Variants in FER observed in about 807,000 individuals in gnomAD.
FER encodes the protein FER tyrosine kinase.
In FER, 63 loss-of-function variants were observed where a neutral mutation model predicts 111.0. The observed-to-expected ratio is 0.57, with a 90% CI of 0.46 to 0.70. The LOEUF (loss-of-function observed/expected upper bound fraction) is 0.70. Among genes scored for constraint, FER ranks in the 30% least tolerant of loss-of-function variants. The pLI is 0.00. For synonymous variants in FER, 327 were observed against 313.9 expected, an observed-to-expected ratio of 1.04 and a Z score of -0.44; for missense variants, 914 against 954.0, an observed-to-expected ratio of 0.96 and a Z score of 0.55.
Position 109,111,174 on chromosome 5 carries a change from A to T in FER, c.2048+10655A>T, listed in dbSNP as rs144409158. Among the ~76,000 whole-genome samples the T allele has an allele frequency of 7.6e-4, 115 of 152,276 alleles. 1 individual carries two copies. In the East Asian group the frequency reaches 0.021, roughly 27 times the overall value. ...ATAAGTAAAATTAAATATGTGTATA[A>T]TTTATAGAGGGTTATATTTTCCATC... On this transcript the variant is annotated intron_variant, in intron 17 of 19. Coordinates refer to ENST00000281092, the MANE Select transcript of FER (RefSeq NM_005246.4).
chr5:108,847,792 C>T (rs1261692230), intron 5 of FER, among the ~76,000 whole-genome samples: 1 of 152,060 alleles, frequency 6.6e-6, no homozygotes, highest in Non-Finnish European at 1.5e-5. Context: ...ATTGTTTGCT[C>T]TGTTATTCAT....
intron 10 of FER, among the ~76,000 whole-genome samples, chr5:108,911,598 G>T (rs1751555216): frequency 6.6e-6 from 1 of 152,038 alleles, no homozygotes; most frequent in Non-Finnish European, 1.5e-5. Context: ...ATAGTTTCAG[G>T]TTTACGTTTG....
intron 13 of FER, among the ~76,000 whole-genome samples, chr5:108,980,446 CTT>C (rs1415512923): frequency 2.0e-5 from 3 of 152,136 alleles, no homozygotes; most frequent in Non-Finnish European, 4.4e-5. Flanking sequence ...GAGAGCGTCT[CTT>C]GTTTTGATAA....
intron 13 of FER, among the ~76,000 whole-genome samples, chr5:109,013,714 C>G (rs1172536138): frequency 1.3e-5 from 2 of 151,926 alleles, no homozygotes; most frequent in Non-Finnish European, 2.9e-5. Context: ...AAAAAGTGTT[C>G]CTATTTCTCC....
At position 109,192,747 on chromosome 5, in the gene FER, C is replaced by T. The variant is rs1759465231; in HGVS notation, c.*5172C>T. ...TATTTCACCTTTGGACTAACGTTGA[C>T]TAAATGGCTCCTAGAGTTACCCACA... On this transcript the variant is annotated 3_prime_UTR_variant, in exon 20 of 20. Transcript: ENST00000281092. The T allele has an allele frequency of 6.6e-6, 1 of 152,122 alleles. No homozygotes were observed. The highest frequency in any genetic ancestry group is 1.5e-5 in the Non-Finnish European group (1 of 68,018). The allele number at this position is 152,122 out of a possible 1,614,324, so 9.4% of individuals were successfully genotyped here. A position where few individuals can be genotyped will look rare whatever the true frequency, so the allele number is the denominator to read the frequency against.
chr5:108,794,327 C>G (rs1258221915), intron 2 of FER, among the ~76,000 whole-genome samples: 2 of 151,574 alleles, frequency 1.3e-5, no homozygotes, highest in Admixed American at 1.3e-4. Flanking sequence ...AAGTGATTCT[C>G]CTGCTGCGGC....
intron 1 of FER, among the ~76,000 whole-genome samples, chr5:108,761,158 G>T (rs890769907): frequency 6.6e-6 from 1 of 152,038 alleles, no homozygotes; most frequent in Non-Finnish European, 1.5e-5. Flanking sequence ...TCGAACCCCT[G>T]GCCTCGTGGT....
chr5:109,014,575 G>T (rs1339166559), intron 13 of FER, among the ~76,000 whole-genome samples: 2 of 151,980 alleles, frequency 1.3e-5, no homozygotes. Flanking sequence ...GCTCTTTTTT[G>T]GTTCCATATG....
At chr5:109,094,310 A>T (rs1747207743) in intron 16 of FER, among the ~76,000 whole-genome samples, 1 of 152,140 alleles carries the variant, frequency 6.6e-6, no homozygotes, top group Non-Finnish European at 1.5e-5. Context: ...AGCTCCAGCT[A>T]TATGGAATAA....
chr5:109,076,959 A>G (rs1455350204), intron 16 of FER, among the ~76,000 whole-genome samples: 1 of 152,208 alleles, frequency 6.6e-6, no homozygotes, highest in Non-Finnish European at 1.5e-5. Context: ...CTATGGCCAG[A>G]GCCAATACAC....
intron 17 of FER, among the ~76,000 whole-genome samples, chr5:109,156,989 A>G (rs1755467203): frequency 6.6e-6 from 1 of 152,134 alleles, no homozygotes; most frequent in Non-Finnish European, 1.5e-5. Context: ...AAGAGGAGGT[A>G]GACCACACTT....
At chr5:109,113,894 A>T (rs1749925870) in intron 17 of FER, among the ~76,000 whole-genome samples, 1 of 152,186 alleles carries the variant, frequency 6.6e-6, no homozygotes, top group African/African-American at 2.4e-5. Flanking sequence ...CTAATGTTAA[A>T]TCATTTAATA....
At chr5:108,905,159 CT>C (rs1750577636) in intron 10 of FER, among the ~76,000 whole-genome samples, 1 of 152,040 alleles carries the variant, frequency 6.6e-6, no homozygotes, top group Non-Finnish European at 1.5e-5. Flanking sequence ...CAGAAACACT[CT>C]TTTTCATTAG....
chr5:109,142,571 C>T (rs1190022782), intron 17 of FER, among the ~76,000 whole-genome samples: 2 of 152,052 alleles, frequency 1.3e-5, no homozygotes, highest in African/African-American at 4.8e-5. Flanking sequence ...ATTAAGCAAC[C>T]ACTGTACGAC....
rs536755587 is a variant in FER at position 108,901,803 on chromosome 5, T to C, written c.1236+3955T>C. On this transcript the variant is annotated intron_variant, in intron 10 of 19. Transcript: ENST00000281092. ...CTTGTCTCTACAAATATATAAAAATTAGTCGGGTGTGGTGGCACATGCCTG... is the reference window on the plus strand; with the variant it reads ...CTTGTCTCTACAAATATATAAAAATCAGTCGGGTGTGGTGGCACATGCCTG... 3.9e-5 allele frequency among the ~76,000 whole-genome samples: 6 copies of C among 152,114 alleles called. No individual in the cohort carries two copies. The East Asian group carries it at 1.2e-3, about 29-fold the overall frequency.
intron 18 of FER, among the ~76,000 whole-genome samples, chr5:109,185,773 A>G (rs1189286096): frequency 6.6e-6 from 1 of 152,232 alleles, no homozygotes; most frequent in Non-Finnish European, 1.5e-5. Flanking sequence ...CTCATTTGGT[A>G]AGTTTAAATA....
At chr5:109,036,553 A>G (rs1238602410) in intron 13 of FER, among the ~76,000 whole-genome samples, 2 of 151,984 alleles carry the variant, frequency 1.3e-5, no homozygotes, top group Non-Finnish European at 2.9e-5. Context: ...CTCTAACATT[A>G]ATAAGAAACC....
At chr5:108,798,075 C>A in intron 2 of FER, 49 bp from the exon 3 acceptor site, 48 of 578,970 alleles carry the variant, frequency 8.3e-5, no homozygotes, top group East Asian at 1.8e-4. Flanking sequence ...TTTTTGAAGA[C>A]TAATTTCCTT....
At chr5:109,010,690 A>T (rs1273764026) in intron 13 of FER, among the ~76,000 whole-genome samples, 1 of 152,138 alleles carries the variant, frequency 6.6e-6, no homozygotes, top group Non-Finnish European at 1.5e-5. Context: ...TAGTTATGCA[A>T]ACTAGATTAT....
Sources: allele counts gnomAD v4.1 joint callset (sites outside exome capture counted in the v4.1 genomes callset), GRCh38; gene constraint gnomAD v4.1.1; transcripts MANE v1.5; gene names NCBI Gene and HGNC (gene_info 2026-07-23, HGNC 2026-07-21).